The following CHFR variants were observed in gnomAD, a reference collection of about 807,000 sequenced individuals.
The protein encoded by CHFR is E3 ubiquitin-protein ligase CHFR.
Under a neutral mutation model 87.6 loss-of-function variants are expected in CHFR, and 57 were observed. The observed-to-expected ratio is 0.65, with a 90% CI of 0.53 to 0.81. The LOEUF is 0.81. Among genes scored for constraint, CHFR ranks in the 30% least tolerant of loss-of-function variants. The probability of loss-of-function intolerance (pLI) is 0.00; values close to 1 mark genes in which losing one functional copy is unlikely to be tolerated. For synonymous variants in CHFR, 381 were observed against 359.2 expected (o/e 1.06, Z -0.69); for missense variants, 797 against 865.8 (o/e 0.92, Z 1.00).
chr12:132,846,263 CTT>C (rs10573381), intron 15 of CHFR, among the ~76,000 whole-genome samples: 52,391 of 127,498 alleles, frequency 0.41, 10,611 homozygotes, highest in South Asian at 0.57. Flanking sequence ...GCTTAACTGT[CTT>C]TTTTTTTTTT....
Position 132,864,321 on chromosome 12 carries a change from C to T in CHFR, c.584-2687G>A, listed in dbSNP as rs1004562740. ...CGGCACCCACTCACGCCATCATCTC[C>T]AGCGCCCCGTGCTCAGCCAACGTGG... On this transcript the variant is annotated intron_variant, in intron 6 of 17. Coordinates refer to ENST00000450056, the MANE Select transcript of CHFR (RefSeq NM_001161346.2). Among the ~76,000 whole-genome samples, 5 of 152,306 alleles carry T rather than the reference C, an allele frequency of 3.3e-5. No homozygotes were observed. The East Asian group carries it at 9.6e-4, about 29-fold the overall frequency.
intron 12 of CHFR, 175 bp from the exon 13 acceptor site, chr12:132,848,899 G>A: frequency 1.8e-6 from 1 of 566,314 alleles, no homozygotes; most frequent in Non-Finnish European, 3.2e-6. Context: ...GTGATGGACT[G>A]TGATGGCGAG....
At chr12:132,846,159 G>A (rs560915939) in intron 15 of CHFR, among the ~76,000 whole-genome samples, 111 of 152,240 alleles carry the variant, frequency 7.3e-4, no homozygotes, top group African/African-American at 2.5e-3. Context: ...AGTAACTGCT[G>A]TAGTGAGGGT....
At chr12:132,855,040 G>A (rs542960582) in intron 10 of CHFR, 2 of 151,918 alleles carry the variant, frequency 1.3e-5, no homozygotes, top group South Asian at 4.2e-4. Context: ...TCAGGATTTC[G>A]AGACCAGTCT....
rs1291961012 is a variant in CHFR at position 132,835,247 on chromosome 12, G to A, written c.*6307C>T. On this transcript the variant is annotated 3_prime_UTR_variant, in exon 18 of 18. Transcript: ENST00000450056. The stretch of plus-strand genomic sequence containing the variant: ...GTGTCAATGGTATCCAGCATGTGGG[G>A]TTTGCCAAACAACAACAAACAAAAC... The A allele has an allele frequency of 6.6e-6, 1 of 152,200 alleles. No homozygotes were observed. Among genetic ancestry groups the A allele is most frequent in the Admixed American group, 6.5e-5 (1 of 15,270 alleles). The allele number at this position is 152,200 out of a possible 1,614,324, so 9.4% of individuals were successfully genotyped here.
chr12:132,857,627 C>T (rs989225982), intron 8 of CHFR, 68 bp from the exon 9 acceptor site: 13 of 1,512,350 alleles, frequency 8.6e-6, no homozygotes, highest in African/African-American at 8.2e-5. Context: ...GACCAAGGTC[C>T]GCAGCAGCCC....
Position 132,834,759 on chromosome 12 carries a change from A to T in CHFR, c.*6795T>A, listed in dbSNP as rs1166679594. ...GAGATAGAGTCTCGCTCTGTCGCCC[A>T]GGCGGGAGTGCAGTGGTGCGATCTC... On this transcript the variant is annotated 3_prime_UTR_variant, in exon 18 of 18. Transcript: ENST00000450056. 2.4e-5 allele frequency: 3 copies of T among 124,170 alleles called. No individual in the cohort carries two copies. Among genetic ancestry groups the T allele is most frequent in the Non-Finnish European group, 4.7e-5 (3 of 63,416 alleles). 7.7% of individuals were successfully genotyped at this position (124,170 alleles called of 1,614,324 possible). A position where few individuals can be genotyped will look rare whatever the true frequency, so the allele number is the denominator to read the frequency against.
chr12:132,867,301 A>G (rs1003461332), intron 6 of CHFR: 1 of 152,270 alleles, frequency 6.6e-6, no homozygotes, highest in Non-Finnish European at 1.5e-5. Flanking sequence ...TCCTTCCCCA[A>G]ATCCCACTGG....
chr12:132,878,055 G>C (rs1951670735), intron 2 of CHFR, among the ~76,000 whole-genome samples: 1 of 152,156 alleles, frequency 6.6e-6, no homozygotes, highest in South Asian at 2.1e-4. Context: ...GCCCACCTTG[G>C]CCTCCCAAAG....
rs1311367045 is a variant in CHFR, at chr12:132,835,059, G to A, written c.*6495C>T. 6.6e-6 allele frequency: 1 copy of A among 152,166 alleles called. No individual in the cohort carries two copies. Among genetic ancestry groups the A allele is most frequent in the East Asian group, 1.9e-4 (1 of 5,198 alleles). 9.4% of individuals were successfully genotyped at this position (152,166 alleles called of 1,614,324 possible). On this transcript the variant is annotated 3_prime_UTR_variant, in exon 18 of 18. Coordinates refer to ENST00000450056, the MANE Select transcript of CHFR (RefSeq NM_001161346.2). Reference sequence around the variant, plus strand: ...AACGACTCCTACTGTTGCACAGAGGGCCCACAAGCTAATCCAGGATCCTCC... The same window carrying A: ...AACGACTCCTACTGTTGCACAGAGGACCCACAAGCTAATCCAGGATCCTCC...
chr12:132,870,745 C>T lies in CHFR; in HGVS notation c.382G>A (p.Gly128Ser), dbSNP rs202105666. ...YLYESLSEKQ[G>S]MTQESFDTSG... ...TTACCAAAGGATTCTTGTGTCATGCCTTGCTTTTCACTTAAAGATTCATAG... is the reference window on the plus strand; with the variant it reads ...TTACCAAAGGATTCTTGTGTCATGCTTTGCTTTTCACTTAAAGATTCATAG... The change falls in exon 5 of 18, where the codon GGC becomes AGC. Residue 128 changes from glycine (G) to serine (S), a missense_variant. Gly to Ser is a moderately conservative substitution (Grantham distance 56). Around this residue, in one of 2 missense-constraint regions of CHFR, gnomAD observed 597 missense variants for 601.2 expected, o/e 0.99. Coordinates refer to ENST00000450056, the MANE Select transcript of CHFR (RefSeq NM_001161346.2). 1 of 1,611,232 alleles carries T rather than the reference C, an allele frequency of 6.2e-7. No homozygotes were observed. The highest frequency in any genetic ancestry group is 1.7e-5 in the Admixed American group (1 of 59,962).
At chr12:132,863,131 C>CA (rs1951253941) in intron 6 of CHFR, among the ~76,000 whole-genome samples, 1 of 149,876 alleles carries the variant, frequency 6.7e-6, no homozygotes, top group Non-Finnish European at 1.5e-5. Flanking sequence ...CTCCTGACCT[C>CA]GTGATCCACC....
intron 7 of CHFR, 136 bp downstream of exon 7, chr12:132,861,331 T>C (rs1951205123): frequency 1.2e-6 from 1 of 804,784 alleles, no homozygotes; most frequent in African/African-American, 1.7e-5. Flanking sequence ...GCCGGAGGTG[T>C]TACAGGCATC....
At position 132,853,587 on chromosome 12, in the gene CHFR, C is replaced by A; in HGVS notation, c.1230-14G>T. The A allele has an allele frequency of 6.6e-7, 1 of 1,522,450 alleles. No homozygotes were observed. Among genetic ancestry groups the A allele is most frequent in the Non-Finnish European group, 8.8e-7 (1 of 1,139,476 alleles). The allele number at this position is 1,522,450 out of a possible 1,614,324, so 94.3% of individuals were successfully genotyped here. ...ACGTATGGCTGGCTGCAAGGAAGCA[C>A]AGGGCCGAGCTGTGTGCAGGCCCCA... On this transcript the variant is annotated splice_polypyrimidine_tract_variant and intron_variant, in intron 10 of 17. Transcript: ENST00000450056.
chr12:132,877,684 A>T (rs763759331), intron 2 of CHFR, 30 bp from the exon 3 acceptor site: 3 of 1,477,170 alleles, frequency 2.0e-6, no homozygotes, highest in African/African-American at 1.4e-5. Flanking sequence ...TCAACACGGG[A>T]TATGATCGTG....
chr12:132,846,453 G>A (rs911714102), intron 15 of CHFR, among the ~76,000 whole-genome samples: 1 of 151,752 alleles, frequency 6.6e-6, no homozygotes, highest in Non-Finnish European at 1.5e-5. Context: ...TCTTTTTTTA[G>A]TAGAGACAGG....
Position 132,856,624 on chromosome 12 carries a change from C to A in CHFR, c.1073G>T (p.Ser358Ile). 1 of 1,613,978 alleles carries A rather than the reference C, an allele frequency of 6.2e-7. No individual in the cohort carries two copies. Among genetic ancestry groups the A allele is most frequent in the Non-Finnish European group, 8.5e-7 (1 of 1,179,966 alleles). ...EAYLIQHPDK[S>I]RSEEDVQSMD... ...ACTTTGCACATCTTCTTCACTGCGACTCTTGTCTAGAATTGAAAGGACACA... is the reference window on the plus strand; with the variant it reads ...ACTTTGCACATCTTCTTCACTGCGAATCTTGTCTAGAATTGAAAGGACACA... Residue 358 changes from serine (S) to isoleucine (I), a missense_variant, in exon 10 of 18, where the codon AGT (serine) becomes ATT (isoleucine). Transcript: ENST00000450056.
intron 7 of CHFR, among the ~76,000 whole-genome samples, chr12:132,859,811 G>T (rs895675385): frequency 2.6e-5 from 4 of 152,166 alleles, no homozygotes; most frequent in African/African-American, 9.7e-5. Flanking sequence ...GGAGGCTGAG[G>T]TGGGCAGATC....
At chr12:132,850,615 G>C (rs971313621) in intron 12 of CHFR, among the ~76,000 whole-genome samples, 14 of 152,090 alleles carry the variant, frequency 9.2e-5, no homozygotes, top group Admixed American at 1.3e-4. Context: ...CCCCACCCCT[G>C]CCAAGCCCAG....
Sources: allele counts gnomAD v4.1 joint callset (sites outside exome capture counted in the v4.1 genomes callset), GRCh38; gene constraint gnomAD v4.1.1; regional missense constraint gnomAD v4.1.1; transcripts MANE v1.5; gene names NCBI Gene and HGNC (gene_info 2026-07-23, HGNC 2026-07-21).